LRMDA: variants seen among roughly 807,000 people sequenced by gnomAD.
The protein encoded by LRMDA is leucine-rich melanocyte differentiation-associated protein.
LRMDA carries 18 observed loss-of-function variants against 29.8 expected under a neutral mutation model. The observed-to-expected ratio is 0.60, with a 90% confidence interval of 0.42 to 0.90. The LOEUF (loss-of-function observed/expected upper bound fraction) is 0.90. Among genes scored for constraint, LRMDA ranks in the 40% least tolerant of loss-of-function variants. The probability of loss-of-function intolerance (pLI) is 0.00; values close to 1 mark genes in which losing one functional copy is unlikely to be tolerated. For synonymous variants in LRMDA, 125 were observed against 109.4 expected (o/e 1.14, Z -0.89); for missense variants, 273 against 273.9 (o/e 1.00, Z 0.02).
intron 5 of LRMDA, among the ~76,000 whole-genome samples, chr10:76,229,820 G>A (rs1852026696): frequency 6.6e-6 from 1 of 152,110 alleles, no homozygotes; most frequent in African/African-American, 2.4e-5. Context: ...CCCAACCTGG[G>A]TGTGTTTACT....
intron 2 of LRMDA, among the ~76,000 whole-genome samples, chr10:75,715,081 A>G (rs1842484087): frequency 6.6e-6 from 1 of 152,132 alleles, no homozygotes; most frequent in Admixed American, 6.6e-5. Flanking sequence ...TGTGTTTCAC[A>G]GAGGCTGGTC....
At chr10:75,772,869 T>TGGGGGGGGG (rs1554824987) in intron 2 of LRMDA, among the ~76,000 whole-genome samples, 5 of 49,774 alleles carry the variant, frequency 1.0e-4, no homozygotes, top group African/African-American at 2.1e-4. Flanking sequence ...GGGGGTGGGA[T>TGGGGGGGGG]GGGGGGGGGC....
At chr10:75,627,726 A>G (rs1841269195) in intron 2 of LRMDA, among the ~76,000 whole-genome samples, 1 of 152,210 alleles carries the variant, frequency 6.6e-6, no homozygotes, top group Non-Finnish European at 1.5e-5. Flanking sequence ...GAAAATCGCC[A>G]TCTCTGAAGC....
chr10:76,105,096 A>C (rs1427446767), intron 5 of LRMDA, among the ~76,000 whole-genome samples: 1 of 152,010 alleles, frequency 6.6e-6, no homozygotes, highest in Admixed American at 6.6e-5. Context: ...ACTGCCCTCC[A>C]CCAATATCAC....
At chr10:76,545,563 C>T (rs568829852) in intron 6 of LRMDA, among the ~76,000 whole-genome samples, 1 of 151,574 alleles carries the variant, frequency 6.6e-6, no homozygotes, top group African/African-American at 2.4e-5. Context: ...TTCTTTTTTC[C>T]TGTTAATGTA....
chr10:76,299,524 T>C (rs531771491), intron 5 of LRMDA, among the ~76,000 whole-genome samples: 2 of 152,138 alleles, frequency 1.3e-5, no homozygotes, highest in East Asian at 1.9e-4. Flanking sequence ...CCGTGCTCCC[T>C]TCCCTTTTTA....
At chr10:75,771,915 G>C (rs1804514991) in intron 2 of LRMDA, among the ~76,000 whole-genome samples, 1 of 152,088 alleles carries the variant, frequency 6.6e-6, no homozygotes, top group Non-Finnish European at 1.5e-5. Flanking sequence ...GAGTTTTCAG[G>C]GGGAGGCCCA....
chr10:76,311,283 A>G (rs920115476), intron 5 of LRMDA, among the ~76,000 whole-genome samples: 11 of 152,370 alleles, frequency 7.2e-5, no homozygotes, highest in African/African-American at 2.6e-4. Context: ...AGAAACTGAC[A>G]TAAAACAAAA....
chr10:76,426,720 G>A (rs1842130230), intron 6 of LRMDA, among the ~76,000 whole-genome samples: 1 of 152,130 alleles, frequency 6.6e-6, no homozygotes, highest in Non-Finnish European at 1.5e-5. Flanking sequence ...TTCTTCTAGG[G>A]TTTTTATGGT....
At chr10:76,417,418 T>C (rs1842027640) in intron 6 of LRMDA, among the ~76,000 whole-genome samples, 1 of 152,034 alleles carries the variant, frequency 6.6e-6, no homozygotes, top group Non-Finnish European at 1.5e-5. Context: ...CTATACAATA[T>C]GCACAAATCA....
At chr10:76,166,521 C>T (rs187224915) in intron 5 of LRMDA, among the ~76,000 whole-genome samples, 2 of 152,192 alleles carry the variant, frequency 1.3e-5, no homozygotes, top group Admixed American at 1.3e-4. Flanking sequence ...CTTATGTGTC[C>T]ATGTGTTCTC....
intron 6 of LRMDA, among the ~76,000 whole-genome samples, chr10:76,356,129 G>A (rs903764087): frequency 6.6e-6 from 1 of 152,140 alleles, no homozygotes; most frequent in Admixed American, 6.6e-5. Context: ...ATTTCTTTGA[G>A]GACAGGTATA....
chr10:75,463,043 T>C (rs1457982138), intron 2 of LRMDA, among the ~76,000 whole-genome samples: 3 of 152,136 alleles, frequency 2.0e-5, no homozygotes, highest in Non-Finnish European at 2.9e-5. Context: ...TGAGGCTCCG[T>C]TGTTAACTCC....
chr10:75,871,578 C>T (rs553468230), intron 2 of LRMDA, among the ~76,000 whole-genome samples: 56 of 152,284 alleles, frequency 3.7e-4, no homozygotes, highest in African/African-American at 1.3e-3. Flanking sequence ...TCCTCCCCTC[C>T]CTTTCCTGCT....
chr10:76,515,060 T>C (rs2130800), intron 6 of LRMDA, among the ~76,000 whole-genome samples: 71,906 of 151,880 alleles, frequency 0.47, 17,171 homozygotes, highest in Middle Eastern at 0.59. Flanking sequence ...ATGAGCTGTC[T>C]ATTACCTTGC....
At chr10:76,546,877 G>A (rs777611689) in intron 6 of LRMDA, among the ~76,000 whole-genome samples, 8 of 152,200 alleles carry the variant, frequency 5.3e-5, no homozygotes, top group Non-Finnish European at 1.2e-4. Flanking sequence ...TTCCAGGTAT[G>A]AAAATAGTTA....
At chr10:76,012,116 CA>C (rs1847793082) in intron 2 of LRMDA, among the ~76,000 whole-genome samples, 2 of 152,150 alleles carry the variant, frequency 1.3e-5, no homozygotes, top group South Asian at 4.1e-4. Context: ...CAGCCTTGCC[CA>C]AAGCTGGTTC....
At chr10:76,317,971 T>A (rs1840721156) in intron 5 of LRMDA, among the ~76,000 whole-genome samples, 1 of 152,246 alleles carries the variant, frequency 6.6e-6, no homozygotes, top group South Asian at 2.1e-4. Flanking sequence ...TTTACCATGT[T>A]GACTTAATGC....
At chr10:76,189,129 G>A (rs140153849) in intron 5 of LRMDA, among the ~76,000 whole-genome samples, 1,751 of 152,222 alleles carry the variant, frequency 0.012, 34 homozygotes, top group African/African-American at 0.038. Context: ...AAGCTGAGGC[G>A]GGTGGATCAC....
Sources: gnomAD v4.1 joint callset for allele counts (sites outside exome capture counted in the v4.1 genomes callset) on GRCh38, gnomAD v4.1.1 for gene constraint, MANE v1.5 for transcripts, NCBI Gene and HGNC (gene_info 2026-07-23, HGNC 2026-07-21) for gene names.